The following SGCZ variants were observed in gnomAD, a reference collection of about 807,000 sequenced individuals.
SGCZ encodes the protein zeta-sarcoglycan.
Under a neutral mutation model 41.3 loss-of-function variants are expected in SGCZ, and 40 were observed. That is an observed-to-expected ratio of 0.97 (90% CI 0.75 to 1.26). The LOEUF (loss-of-function observed/expected upper bound fraction) is 1.26, where lower values mean the gene tolerates loss of function less well. Ranked by LOEUF, SGCZ falls within the 50% of genes most tolerant of loss-of-function variation. SGCZ has a pLI of 0.00. For missense variants in SGCZ, 552 were observed against 369.8 expected (o/e 1.49, Z -4.04); for synonymous variants, 206 against 137.5 (o/e 1.50, Z -3.49).
At chr8:15,049,532 T>C (rs879380006) in intron 1 of SGCZ, among the ~76,000 whole-genome samples, 5 of 152,100 alleles carry the variant, frequency 3.3e-5, no homozygotes, top group Non-Finnish European at 5.9e-5. Context: ...GCTCTGACTC[T>C]CCAATATTGA....
chr8:14,573,782 G>A (rs947158231), intron 1 of SGCZ, among the ~76,000 whole-genome samples: 1 of 152,054 alleles, frequency 6.6e-6, no homozygotes, highest in Non-Finnish European at 1.5e-5. Flanking sequence ...GTGAATATGG[G>A]GAATCTTAGG....
intron 2 of SGCZ, among the ~76,000 whole-genome samples, chr8:14,379,048 T>C (rs113924438): frequency 6.6e-6 from 1 of 152,164 alleles, no homozygotes; most frequent in Non-Finnish European, 1.5e-5. Context: ...ATAACTAAAG[T>C]ATTTTCACTT....
chr8:14,210,614 C>A (rs919564969), intron 4 of SGCZ, among the ~76,000 whole-genome samples: 1 of 151,858 alleles, frequency 6.6e-6, no homozygotes, highest in Non-Finnish European at 1.5e-5. Context: ...AGGCATGCGT[C>A]ACCACTCTCT....
intron 2 of SGCZ, among the ~76,000 whole-genome samples, chr8:14,333,469 G>A (rs1802406240): frequency 6.6e-6 from 1 of 151,972 alleles, no homozygotes; most frequent in East Asian, 1.9e-4. Flanking sequence ...CTATTAGCAT[G>A]CTTGTCTTTC....
At chr8:14,130,505 AC>A (rs1223602744) in intron 5 of SGCZ, among the ~76,000 whole-genome samples, 2 of 152,214 alleles carry the variant, frequency 1.3e-5, no homozygotes, top group African/African-American at 4.8e-5. Context: ...GAATAAAACA[AC>A]AAATAAATAA....
At chr8:14,568,442 C>A (rs1307478037) in intron 1 of SGCZ, among the ~76,000 whole-genome samples, 7 of 61,518 alleles carry the variant, frequency 1.1e-4, no homozygotes, top group African/African-American at 3.4e-4. Context: ...AATACATTAT[C>A]AGAAAAAAAA....
chr8:14,630,815 G>C (rs1251819587), intron 1 of SGCZ, among the ~76,000 whole-genome samples: 3 of 146,252 alleles, frequency 2.1e-5, no homozygotes, highest in Non-Finnish European at 4.5e-5. Flanking sequence ...GGTGGGAATT[G>C]AACAATGAGA....
At chr8:14,476,212 C>G (rs142108377) in intron 2 of SGCZ, among the ~76,000 whole-genome samples, 1 of 152,140 alleles carries the variant, frequency 6.6e-6, no homozygotes, top group East Asian at 1.9e-4. Context: ...AATCTGTAGT[C>G]AAGAATCAGG....
chr8:14,785,956 T>A (rs910901571), intron 1 of SGCZ, among the ~76,000 whole-genome samples: 1 of 152,092 alleles, frequency 6.6e-6, no homozygotes, highest in South Asian at 2.1e-4. Context: ...AAAAAACTTA[T>A]CTCCAAAAAA....
intron 2 of SGCZ, among the ~76,000 whole-genome samples, chr8:14,362,692 C>T (rs113241906): frequency 1.2e-4 from 19 of 152,088 alleles, no homozygotes; most frequent in African/African-American, 2.9e-4. Flanking sequence ...TCACCCTCTG[C>T]GGGCTGCACC....
chr8:14,201,605 C>G (rs1410176752), intron 4 of SGCZ, among the ~76,000 whole-genome samples: 1 of 152,096 alleles, frequency 6.6e-6, no homozygotes, highest in Non-Finnish European at 1.5e-5. Context: ...AACCGTAGAT[C>G]TAGAAATTGA....
chr8:14,176,485 A>G (rs1472796837), intron 4 of SGCZ, among the ~76,000 whole-genome samples: 1 of 152,254 alleles, frequency 6.6e-6, no homozygotes, highest in African/African-American at 2.4e-5. Context: ...AACTTGGGAA[A>G]TATTACCAAG....
intron 1 of SGCZ, among the ~76,000 whole-genome samples, chr8:15,023,979 C>A (rs993562703): frequency 6.6e-6 from 1 of 152,220 alleles, no homozygotes; most frequent in Non-Finnish European, 1.5e-5. Context: ...ATACAGGGAC[C>A]AGGATAAGTG....
At chr8:14,261,111 A>AG (rs1046867889) in intron 3 of SGCZ, among the ~76,000 whole-genome samples, 2 of 151,920 alleles carry the variant, frequency 1.3e-5, no homozygotes, top group Non-Finnish European at 2.9e-5. Context: ...ATAAAAAAAA[A>AG]GAAAACAAAA....
At chr8:14,765,955 G>C (rs920422098) in intron 1 of SGCZ, among the ~76,000 whole-genome samples, 2 of 148,300 alleles carry the variant, frequency 1.3e-5, no homozygotes, top group Admixed American at 6.9e-5. Context: ...AACAACTCTT[G>C]CATATGATAG....
At chr8:14,625,550 T>A (rs1192133027) in intron 1 of SGCZ, among the ~76,000 whole-genome samples, 1 of 152,184 alleles carries the variant, frequency 6.6e-6, no homozygotes, top group Non-Finnish European at 1.5e-5. Context: ...TTTATCAATA[T>A]CTGAACATTA....
chr8:14,641,397 ATCG>A (rs1807021408), intron 1 of SGCZ, among the ~76,000 whole-genome samples: 1 of 151,738 alleles, frequency 6.6e-6, no homozygotes, highest in African/African-American at 2.4e-5. Context: ...TGTAGAAAAA[ATCG>A]TAACATTTGA....
chr8:14,624,240 C>G (rs550714380), intron 1 of SGCZ, among the ~76,000 whole-genome samples: 1 of 152,028 alleles, frequency 6.6e-6, no homozygotes, highest in Non-Finnish European at 1.5e-5. Flanking sequence ...AAATAAACTA[C>G]TGAAGGTCCC....
In SGCZ at chr8:15,162,625, G is replaced by A. The variant is rs573885060; in HGVS notation, c.39+74960C>T. Among the ~76,000 whole-genome samples, 5 of 152,274 alleles carry A rather than the reference G, an allele frequency of 3.3e-5. No individual in the cohort carries two copies. The East Asian group carries it at 5.8e-4, about 18-fold the overall frequency. ...GAAATAACAAATTCAGTCTAAAACTGTGTTTCACTTTTCATAAGAGTTAGG... is the reference window on the plus strand; with the variant it reads ...GAAATAACAAATTCAGTCTAAAACTATGTTTCACTTTTCATAAGAGTTAGG... On this transcript the variant is annotated intron_variant, in intron 1 of 7. Coordinates refer to ENST00000382080, the MANE Select transcript of SGCZ (RefSeq NM_139167.4).
Sources: allele counts gnomAD v4.1 joint callset (sites outside exome capture counted in the v4.1 genomes callset), GRCh38; gene constraint gnomAD v4.1.1; transcripts MANE v1.5; gene names NCBI Gene and HGNC (gene_info 2026-07-23, HGNC 2026-07-21).